TBCD: variants seen among roughly 807,000 people sequenced by gnomAD.
TBCD encodes the protein tubulin-specific chaperone D.
In TBCD, 105 loss-of-function variants were observed where a neutral mutation model predicts 169.3. That is an observed-to-expected ratio of 0.62 (90% CI 0.53 to 0.73). The LOEUF is 0.73. Among genes scored for constraint, TBCD ranks in the 30% least tolerant of loss-of-function variants. The pLI, the probability that TBCD is intolerant of heterozygous loss-of-function variation, is 0.00. For missense variants in TBCD, 1,444 were observed against 1,600.1 expected (o/e 0.90, Z 1.66); for synonymous variants, 700 against 643.9 (o/e 1.09, Z -1.32).
chr17:82,876,856 A>T (rs1740871750), intron 14 of TBCD: 1 of 492,644 alleles, frequency 2.0e-6, no homozygotes, highest in East Asian at 1.5e-4. Context: ...TCTGTGTCCA[A>T]ATTGCTGAGT....
chr17:82,761,228 T>G (rs973012604), intron 2 of TBCD, among the ~76,000 whole-genome samples: 1 of 152,160 alleles, frequency 6.6e-6, no homozygotes, highest in Non-Finnish European at 1.5e-5. Context: ...CCTCCCAAAG[T>G]GCTGGGATTA....
At chr17:82,792,389 A>G (rs567525410) in intron 7 of TBCD, among the ~76,000 whole-genome samples, 2 of 152,042 alleles carry the variant, frequency 1.3e-5, no homozygotes, top group South Asian at 4.1e-4. Flanking sequence ...GTGTATATAT[A>G]TGTATATATA....
rs181254963 is a variant in TBCD at position 82,824,559 on chromosome 17, C to G, written c.1318+9625C>G. ...TGCAGTGGCTATTCACAGGCCCAATCATAGTACACCACAGCTTCCAACTCC... is the reference window on the plus strand; with the variant it reads ...TGCAGTGGCTATTCACAGGCCCAATGATAGTACACCACAGCTTCCAACTCC... On this transcript the variant is annotated intron_variant, in intron 13 of 38. Transcript: ENST00000355528. Among the ~76,000 whole-genome samples the G allele has an allele frequency of 3.5e-3, 526 of 152,264 alleles. 6 individuals are homozygous for G. The highest frequency in any genetic ancestry group is 0.03 in the Admixed American group (455 of 15,290).
chr17:82,763,658 C>T (rs1438879994), intron 2 of TBCD, among the ~76,000 whole-genome samples: 3 of 152,138 alleles, frequency 2.0e-5, no homozygotes, highest in African/African-American at 7.2e-5. Flanking sequence ...GGAGAATAGC[C>T]TGAACCCGGG....
chr17:82,900,422 C>A, intron 17 of TBCD: 1 of 483,394 alleles, frequency 2.1e-6, no homozygotes. Flanking sequence ...GGGTGGTTTC[C>A]AGATTTCGCC....
rs1365985491 is a variant in TBCD, at chr17:82,945,606, TG to T, written c.*3144del. On this transcript the variant is annotated 3_prime_UTR_variant, in exon 39 of 39. Coordinates refer to ENST00000355528, the MANE Select transcript of TBCD (RefSeq NM_005993.5). ...AAATTAAGTCATTTAGATAAAAATA[TG>T]CCATTCTTATCTGTTTGGTTTTTTA... The T allele has an allele frequency of 1.3e-5, 2 of 152,366 alleles. No homozygotes were observed. The highest frequency in any genetic ancestry group is 4.8e-5 in the African/African-American group (2 of 41,588). The allele number at this position is 152,366 out of a possible 1,614,324, so 9.4% of individuals were successfully genotyped here.
chr17:82,820,757 TTGTTA>T (rs1241763448), intron 13 of TBCD, among the ~76,000 whole-genome samples: 1 of 151,670 alleles, frequency 6.6e-6, no homozygotes, highest in Non-Finnish European at 1.5e-5. Context: ...TTGAGTCCTC[TTGTTA>T]TGTTAATACA....
In TBCD at chr17:82,893,615, C is replaced by T; in HGVS notation, c.1632C>T (p.Asn544=). The T allele has an allele frequency of 6.2e-7, 1 of 1,609,264 alleles. No individual in the cohort carries two copies. Among genetic ancestry groups the T allele is most frequent in the African/African-American group, 1.3e-5 (1 of 75,026 alleles). Residue 544 remains asparagine, a synonymous_variant, in exon 17 of 39, where the codon AAC becomes AAT. Coordinates refer to ENST00000355528, the MANE Select transcript of TBCD (RefSeq NM_005993.5). ...ATTTTGCCGTCGGTAACAGATCCAA[C>T]TGTTTCCTGGTTATAAGGTAAGTCT... is the stretch of plus-strand genomic sequence containing the variant. The part of the protein sequence containing the change: ...ADYFAVGNRS[N]CFLVISVFIA...
chr17:82,851,766 A>G (rs531233715), intron 13 of TBCD, among the ~76,000 whole-genome samples: 1 of 152,374 alleles, frequency 6.6e-6, no homozygotes, highest in Admixed American at 6.5e-5. Flanking sequence ...GGAGCCTTAC[A>G]CACGGAAGGG....
In TBCD at chr17:82,941,461, C is replaced by T. The variant is rs773665099; in HGVS notation, c.3542C>T (p.Pro1181Leu). The change falls in exon 38 of 39, where the codon CCC becomes CTC. Residue 1181 changes from proline (P) to leucine (L), a missense_variant. Transcript: ENST00000355528. ...RNRLCDLLGV[P>L]RPQLVPQPGA... The stretch of plus-strand genomic sequence containing the variant: ...CGTCTGTGTGACCTTCTGGGCGTAC[C>T]CAGGCCCCAGCTGGTGCCCCAGGTA... 2.5e-6 allele frequency: 4 copies of T among 1,600,894 alleles called. No individual in the cohort carries two copies. In the Admixed American group the frequency reaches 6.8e-5, roughly 27 times the overall value.
At chr17:82,819,785 T>C (rs1444882450) in intron 13 of TBCD, among the ~76,000 whole-genome samples, 1 of 152,204 alleles carries the variant, frequency 6.6e-6, no homozygotes. Flanking sequence ...CCAGGACTTT[T>C]CTTGAGTGGT....
chr17:82,873,988 C>T (rs72859926), intron 14 of TBCD, among the ~76,000 whole-genome samples: 3,026 of 152,312 alleles, frequency 0.02, 34 homozygotes, highest in Non-Finnish European at 0.026. Flanking sequence ...CCTGCACAGC[C>T]TCCTGTTGGC....
rs74001705 is a variant in TBCD, at chr17:82,903,402, C to T, written c.1731-3C>T. ...ACTTACGACATTCTCTCCTCACTCT[C>T]AGGGTCATCCGAGAGTTGGCTGCGA... On this transcript the variant is annotated splice_polypyrimidine_tract_variant and splice_region_variant and intron_variant, in intron 18 of 38. Coordinates refer to ENST00000355528, the MANE Select transcript of TBCD (RefSeq NM_005993.5). The surrounding 1 kb of genome is among the most constrained non-coding windows in gnomAD (Gnocchi z 4.8). 2.1e-3 allele frequency: 3,311 copies of T among 1,600,620 alleles called. 57 individuals are homozygous for T. In the African/African-American group the frequency reaches 0.038, roughly 19 times the overall value.
chr17:82,875,249 G>A (rs528270973), intron 14 of TBCD, among the ~76,000 whole-genome samples: 2 of 152,196 alleles, frequency 1.3e-5, no homozygotes, highest in African/African-American at 2.4e-5. Context: ...TGTCGCACAC[G>A]GGTAGCTTAA....
At chr17:82,876,205 C>T (rs969860227) in intron 14 of TBCD, among the ~76,000 whole-genome samples, 2 of 152,146 alleles carry the variant, frequency 1.3e-5, no homozygotes, top group African/African-American at 4.8e-5. Context: ...GTGCACTTCC[C>T]CTTGACTCGG....
rs748569896 is a variant in TBCD, at chr17:82,920,434, G to A, written c.2039-122G>A. The A allele has an allele frequency of 1.0e-4, 81 of 796,854 alleles. No homozygotes were observed. The highest frequency in any genetic ancestry group is 1.6e-4 in the Non-Finnish European group (78 of 493,318). The allele number at this position is 796,854 out of a possible 1,614,324, so 49.4% of individuals were successfully genotyped here. On this transcript the variant is annotated intron_variant, in intron 23 of 38. Transcript: ENST00000355528. This position sits in a 1 kb window ranked among gnomAD's most constrained non-coding sequence, Gnocchi z 4.1. ...GTTTCCAGCCCTGGCAGCAGGGTAG[G>A]TTGGGCGGGTGAGGGGCAGGAGCTG...
chr17:82,756,435 C>T (rs1244064137), intron 2 of TBCD, among the ~76,000 whole-genome samples: 2 of 152,118 alleles, frequency 1.3e-5, no homozygotes, highest in Non-Finnish European at 2.9e-5. Flanking sequence ...CTACTTAATT[C>T]CTTTCTGCTA....
At chr17:82,887,175 G>A (rs773836875) in intron 15 of TBCD, among the ~76,000 whole-genome samples, 20 of 68,786 alleles carry the variant, frequency 2.9e-4, no homozygotes, top group Non-Finnish European at 4.7e-4. Context: ...GTGTGCGCGC[G>A]CGCGCACGTG....
At chr17:82,797,613 A>T in intron 7 of TBCD, 144 bp from the exon 8 acceptor site, 2 of 653,774 alleles carry the variant, frequency 3.1e-6, no homozygotes, top group East Asian at 5.7e-5. Flanking sequence ...TATCATGTAC[A>T]GAAACTGTTT....
Sources: gnomAD v4.1 joint callset for allele counts (sites outside exome capture counted in the v4.1 genomes callset) on GRCh38, gnomAD v4.1.1 for gene constraint, Gnocchi (gnomAD v3.1) non-coding constraint, MANE v1.5 for transcripts, NCBI Gene and HGNC (gene_info 2026-07-23, HGNC 2026-07-21) for gene names.